The following GRIN2A variants were observed in gnomAD, a reference collection of about 807,000 sequenced individuals.
GRIN2A encodes glutamate ionotropic receptor NMDA type subunit 2A.
A neutral mutation model predicts 113.4 loss-of-function variants in GRIN2A; 22 were observed. The observed-to-expected ratio is 0.19, with a 90% CI of 0.14 to 0.28. GRIN2A has a LOEUF of 0.28. Ranked by LOEUF, GRIN2A falls within the 10% of genes least tolerant of loss-of-function variation. The probability of loss-of-function intolerance (pLI) is 1.00; values close to 1 mark genes in which losing one functional copy is unlikely to be tolerated. For missense variants in GRIN2A, 1,502 were observed against 1,887.0 expected (o/e 0.80, Z 3.78); for synonymous variants, 827 against 738.4 (o/e 1.12, Z -1.94).
At chr16:10,002,524 A>G (rs752369915) in intron 2 of GRIN2A, among the ~76,000 whole-genome samples, 5 of 152,192 alleles carry the variant, frequency 3.3e-5, no homozygotes, top group South Asian at 2.1e-4. Context: ...GTAGTCATCT[A>G]TAGGTACCTT....
chr16:10,150,221 C>A (rs1421571450), intron 2 of GRIN2A, among the ~76,000 whole-genome samples: 1 of 152,198 alleles, frequency 6.6e-6, no homozygotes, highest in African/African-American at 2.4e-5. Context: ...AAAGAGGCAG[C>A]TTTTCGCTAA....
rs1900369713 is a variant in GRIN2A at position 9,756,895 on chromosome 16, T to A, written c.*6254A>T. The A allele has an allele frequency of 5.4e-6, 1 of 185,468 alleles. No homozygotes were observed. Among genetic ancestry groups the A allele is most frequent in the Non-Finnish European group, 1.1e-5 (1 of 87,528 alleles). 11.5% of individuals were successfully genotyped at this position (185,468 alleles called of 1,614,324 possible). A position where few individuals can be genotyped will look rare whatever the true frequency, so the allele number is the denominator to read the frequency against. On this transcript the variant is annotated 3_prime_UTR_variant, in exon 13 of 13. Coordinates refer to ENST00000330684, the MANE Select transcript of GRIN2A (RefSeq NM_001134407.3). ...CCTTTTGCCATCTCTTTGCCCCGTT[T>A]TCTCTCTAGGGAACCTGATGCTTTC...
At chr16:9,895,847 T>A (rs1209875823) in intron 3 of GRIN2A, among the ~76,000 whole-genome samples, 1 of 152,222 alleles carries the variant, frequency 6.6e-6, no homozygotes. Flanking sequence ...TTGGGGTGAA[T>A]GTAGTTCAGG....
At chr16:10,166,411 T>C (rs1029673483) in intron 2 of GRIN2A, among the ~76,000 whole-genome samples, 2 of 152,152 alleles carry the variant, frequency 1.3e-5, no homozygotes, top group African/African-American at 4.8e-5. Context: ...ATTCTGCTCC[T>C]CCATGAGCCA....
At chr16:10,131,953 T>C (rs1196468154) in intron 2 of GRIN2A, among the ~76,000 whole-genome samples, 1 of 152,338 alleles carries the variant, frequency 6.6e-6, no homozygotes, top group African/African-American at 2.4e-5. Flanking sequence ...CTAAGCATTT[T>C]ACCACCATTA....
chr16:9,913,334 A>G (rs1479372963), intron 3 of GRIN2A, among the ~76,000 whole-genome samples: 1 of 152,176 alleles, frequency 6.6e-6, no homozygotes, highest in African/African-American at 2.4e-5. Flanking sequence ...AAATATACAT[A>G]TAGAGTCTTC....
chr16:10,144,155 T>C (rs1170214538), intron 2 of GRIN2A, among the ~76,000 whole-genome samples: 1 of 152,168 alleles, frequency 6.6e-6, no homozygotes, highest in East Asian at 1.9e-4. Context: ...GCTATTACTT[T>C]TAATTGCAAA....
chr16:10,024,064 A>G (rs543459393), intron 2 of GRIN2A, among the ~76,000 whole-genome samples: 2 of 152,312 alleles, frequency 1.3e-5, no homozygotes, highest in South Asian at 4.1e-4. Flanking sequence ...TCGAATCCAA[A>G]GACATGTTCT....
intron 3 of GRIN2A, among the ~76,000 whole-genome samples, chr16:9,905,754 G>A (rs985072648): frequency 1.3e-5 from 2 of 152,092 alleles, no homozygotes; most frequent in South Asian, 2.1e-4. Context: ...ATATATACAA[G>A]GGGGAGGGGT....
chr16:9,949,363 T>A (rs2045109180), intron 2 of GRIN2A, among the ~76,000 whole-genome samples: 2 of 150,762 alleles, frequency 1.3e-5, no homozygotes, highest in African/African-American at 4.9e-5. Context: ...GATGGATAGA[T>A]GGATGAATGG....
At chr16:9,924,266 A>C (rs2044414051) in intron 3 of GRIN2A, among the ~76,000 whole-genome samples, 1 of 152,074 alleles carries the variant, frequency 6.6e-6, no homozygotes, top group African/African-American at 2.4e-5. Context: ...TTTTTTTGTA[A>C]TGCAGATCTG....
intron 10 of GRIN2A, among the ~76,000 whole-genome samples, chr16:9,803,415 CA>C (rs1045822082): frequency 2.3e-4 from 32 of 137,716 alleles, no homozygotes; most frequent in Admixed American, 2.9e-4. Context: ...AACTCCATCT[CA>C]AAAAAAAAAA....
At chr16:9,815,203 A>T (rs1382847479) in intron 10 of GRIN2A, among the ~76,000 whole-genome samples, 1 of 152,124 alleles carries the variant, frequency 6.6e-6, no homozygotes, top group Non-Finnish European at 1.5e-5. Flanking sequence ...GTCACTGAGG[A>T]CAACTCAAGC....
intron 4 of GRIN2A, among the ~76,000 whole-genome samples, chr16:9,881,199 T>C (rs1400583378): frequency 1.3e-5 from 2 of 152,270 alleles, no homozygotes; most frequent in African/African-American, 4.8e-5. Context: ...AGCGTTTTAT[T>C]TGCCTTGTTA....
At chr16:9,851,298 G>C (rs917573442) in intron 4 of GRIN2A, among the ~76,000 whole-genome samples, 4 of 152,128 alleles carry the variant, frequency 2.6e-5, no homozygotes, top group Admixed American at 2.0e-4. Context: ...TTTTAAGATA[G>C]GATGGCGAGT....
At chr16:10,002,326 A>G (rs2141845393) in intron 2 of GRIN2A, among the ~76,000 whole-genome samples, 1 of 152,342 alleles carries the variant, frequency 6.6e-6, no homozygotes, top group East Asian at 1.9e-4. Flanking sequence ...AAAATGGGTT[A>G]TTGCCAATAG....
chr16:9,812,061 T>C (rs1159990208), intron 10 of GRIN2A, among the ~76,000 whole-genome samples: 1 of 152,170 alleles, frequency 6.6e-6, no homozygotes, highest in African/African-American at 2.4e-5. Flanking sequence ...TTTTGCATAA[T>C]GGTGGGCCAT....
chr16:9,821,543 A>G (rs1281548566), intron 10 of GRIN2A, among the ~76,000 whole-genome samples: 2 of 152,216 alleles, frequency 1.3e-5, no homozygotes, highest in Non-Finnish European at 2.9e-5. Flanking sequence ...TACAATAAAT[A>G]ACAACACTCA....
rs2042386030 is a variant in GRIN2A at position 9,826,291 on chromosome 16, G to A, written c.2007+3132C>T. The stretch of plus-strand genomic sequence containing the variant: ...AACATAAATCTGCCTCCCAGAGATG[G>A]ATTTCCTCTGTCAGAGTGATTCCCA... On this transcript the variant is annotated intron_variant, in intron 9 of 12. Coordinates refer to ENST00000330684, the MANE Select transcript of GRIN2A (RefSeq NM_001134407.3). 5.3e-5 allele frequency among the ~76,000 whole-genome samples: 8 copies of A among 152,278 alleles called. No individual in the cohort carries two copies. The South Asian group carries it at 1.7e-3, about 32-fold the overall frequency.
Sources: allele counts gnomAD v4.1 joint callset (sites outside exome capture counted in the v4.1 genomes callset), GRCh38; gene constraint gnomAD v4.1.1; transcripts MANE v1.5; gene names NCBI Gene and HGNC (gene_info 2026-07-23, HGNC 2026-07-21).